Variants in EXOC6B observed in about 807,000 individuals in gnomAD.
EXOC6B encodes the protein exocyst complex component 6B.
A neutral mutation model predicts 113.5 loss-of-function variants in EXOC6B; 54 were observed. The ratio of observed to expected loss-of-function variants is 0.48; its 90% CI spans 0.38 to 0.60. EXOC6B has a LOEUF of 0.60. Among genes scored for constraint, EXOC6B ranks in the 20% least tolerant of loss-of-function variants. EXOC6B has a pLI of 0.00. For synonymous variants in EXOC6B, 357 were observed against 339.0 expected, an observed-to-expected ratio of 1.05 and a Z score of -0.58; for missense variants, 797 against 977.5, an observed-to-expected ratio of 0.82 and a Z score of 2.46.
chr2:72,679,162 G>A (rs1206932544), intron 6 of EXOC6B, among the ~76,000 whole-genome samples: 2 of 151,958 alleles, frequency 1.3e-5, no homozygotes, highest in Non-Finnish European at 2.9e-5. Flanking sequence ...TACCTCCTGG[G>A]TTCAAGCGAT....
At chr2:72,330,190 C>G (rs1358225060) in intron 20 of EXOC6B, among the ~76,000 whole-genome samples, 1 of 151,958 alleles carries the variant, frequency 6.6e-6, no homozygotes, top group Non-Finnish European at 1.5e-5. Context: ...AGCCTTTGAC[C>G]AAACATGGAA....
Position 72,464,921 on chromosome 2 carries a change from T to A in EXOC6B, c.1980+239A>T, listed in dbSNP as rs191690268. 2.7e-4 allele frequency: 148 copies of A among 543,236 alleles called. No homozygotes were observed. The East Asian group carries it at 3.7e-3, about 14-fold the overall frequency. 33.7% of individuals were successfully genotyped at this position (543,236 alleles called of 1,614,324 possible). On this transcript the variant is annotated intron_variant, in intron 18 of 21. Coordinates refer to ENST00000272427, the MANE Select transcript of EXOC6B (RefSeq NM_015189.3). ...TTTGTACTAATTACCTTGAACATCATAGGAAGATAAGCAGACATAATACCA... is the reference window on the plus strand; with the variant it reads ...TTTGTACTAATTACCTTGAACATCAAAGGAAGATAAGCAGACATAATACCA...
At chr2:72,523,378 A>T (rs1701589346) in intron 8 of EXOC6B, among the ~76,000 whole-genome samples, 1 of 152,200 alleles carries the variant, frequency 6.6e-6, no homozygotes, top group Non-Finnish European at 1.5e-5. Flanking sequence ...GTGGCATCTT[A>T]CATCCTTATT....
intron 18 of EXOC6B, among the ~76,000 whole-genome samples, chr2:72,426,609 G>C (rs1286077094): frequency 6.6e-6 from 1 of 152,124 alleles, no homozygotes; most frequent in Non-Finnish European, 1.5e-5. Flanking sequence ...TGCAAAGCTA[G>C]AACTGGGATA....
intron 19 of EXOC6B, among the ~76,000 whole-genome samples, chr2:72,360,386 A>G (rs1690238142): frequency 6.6e-6 from 1 of 152,086 alleles, no homozygotes; most frequent in South Asian, 2.1e-4. Flanking sequence ...CTGCACCTGG[A>G]CTTCTCAGAT....
intron 20 of EXOC6B, among the ~76,000 whole-genome samples, chr2:72,188,305 C>T (rs1678580351): frequency 6.6e-6 from 1 of 152,202 alleles, no homozygotes; most frequent in Non-Finnish European, 1.5e-5. Context: ...AAAGTCAATG[C>T]CAATGGTGAG....
intron 1 of EXOC6B, among the ~76,000 whole-genome samples, chr2:72,802,660 A>G (rs545891829): frequency 1.2e-4 from 19 of 152,198 alleles, no homozygotes; most frequent in Non-Finnish European, 2.4e-4. Flanking sequence ...AAAATCAGAA[A>G]GAAAAGGCCC....
chr2:72,439,138 A>C (rs1696047728), intron 18 of EXOC6B, among the ~76,000 whole-genome samples: 1 of 152,208 alleles, frequency 6.6e-6, no homozygotes. Context: ...GGATTCTTAA[A>C]GAATAATTAT....
At chr2:72,448,145 AT>A (rs890809569) in intron 18 of EXOC6B, among the ~76,000 whole-genome samples, 17 of 152,174 alleles carry the variant, frequency 1.1e-4, no homozygotes, top group Admixed American at 1.0e-3. Flanking sequence ...AGCCCAAAAA[AT>A]ATCCCCTTAT....
intron 18 of EXOC6B, among the ~76,000 whole-genome samples, chr2:72,409,253 T>A (rs1297358515): frequency 2.6e-5 from 4 of 152,190 alleles, no homozygotes; most frequent in Non-Finnish European, 5.9e-5. Context: ...ACAGGAACAC[T>A]TTTACACTGT....
At chr2:72,665,882 A>C (rs987550841) in intron 6 of EXOC6B, among the ~76,000 whole-genome samples, 2 of 152,154 alleles carry the variant, frequency 1.3e-5, no homozygotes, top group African/African-American at 4.8e-5. Flanking sequence ...CCCCACTTAA[A>C]AGGCACAGAG....
intron 8 of EXOC6B, among the ~76,000 whole-genome samples, chr2:72,530,816 C>T (rs777097894): frequency 6.6e-6 from 1 of 152,098 alleles, no homozygotes; most frequent in Non-Finnish European, 1.5e-5. Flanking sequence ...GACCCTTTTA[C>T]CATTATATAA....
At chr2:72,335,300 T>C (rs1486457074) in intron 19 of EXOC6B, 6 of 289,958 alleles carry the variant, frequency 2.1e-5, no homozygotes, top group African/African-American at 8.7e-5. Flanking sequence ...GTTTTGTGAA[T>C]GGACAAACAA....
intron 20 of EXOC6B, among the ~76,000 whole-genome samples, chr2:72,285,310 A>T (rs1685360829): frequency 6.6e-6 from 1 of 152,058 alleles, no homozygotes; most frequent in South Asian, 2.1e-4. Flanking sequence ...ACAGAAACAG[A>T]CCCACATAAA....
intron 18 of EXOC6B, among the ~76,000 whole-genome samples, chr2:72,426,549 T>G (rs1222818971): frequency 2.0e-5 from 3 of 152,154 alleles, no homozygotes; most frequent in African/African-American, 7.2e-5. Context: ...TGTGCTTGAG[T>G]TTCTCTACTT....
chr2:72,427,654 C>T (rs1695280094), intron 18 of EXOC6B, among the ~76,000 whole-genome samples: 2 of 152,274 alleles, frequency 1.3e-5, no homozygotes, highest in Non-Finnish European at 1.5e-5. Flanking sequence ...GCAGGTGACC[C>T]TTGGCGTGAG....
At chr2:72,502,231 G>A (rs1184363633) in intron 11 of EXOC6B, among the ~76,000 whole-genome samples, 1 of 152,132 alleles carries the variant, frequency 6.6e-6, no homozygotes, top group East Asian at 1.9e-4. Context: ...ATTTTTTGAA[G>A]AATAAGAAGT....
chr2:72,503,220 A>G (rs1226343987), intron 11 of EXOC6B, among the ~76,000 whole-genome samples: 1 of 152,240 alleles, frequency 6.6e-6, no homozygotes, highest in Non-Finnish European at 1.5e-5. Context: ...CCCATAGTTT[A>G]CATTAGGGTT....
At position 72,809,631 on chromosome 2, in the gene EXOC6B, G is replaced by C. The variant is rs192761413; in HGVS notation, c.113+16167C>G. On this transcript the variant is annotated intron_variant, in intron 1 of 21. Transcript: ENST00000272427. Reference sequence around the variant, plus strand: ...AGAAAATCAAATAAACAAAGTTTCGGTTTTTTGAAAAGATAAAATTGACAA... The same window carrying C: ...AGAAAATCAAATAAACAAAGTTTCGCTTTTTTGAAAAGATAAAATTGACAA... Among the ~76,000 whole-genome samples the C allele has an allele frequency of 1.6e-4, 24 of 152,030 alleles. No homozygotes were observed. In the East Asian group the frequency reaches 4.6e-3, roughly 29 times the overall value.
Sources: gnomAD v4.1 joint callset for allele counts (sites outside exome capture counted in the v4.1 genomes callset) on GRCh38, gnomAD v4.1.1 for gene constraint, MANE v1.5 for transcripts, NCBI Gene and HGNC (gene_info 2026-07-23, HGNC 2026-07-21) for gene names.